Variants in KYAT1 observed in about 807,000 individuals in gnomAD.
The protein encoded by KYAT1 is kynurenine aminotransferase 1.
Under a neutral mutation model 52.4 loss-of-function variants are expected in KYAT1, and 47 were observed. That is an observed-to-expected ratio of 0.90 (90% CI 0.71 to 1.14). The LOEUF (loss-of-function observed/expected upper bound fraction) is 1.14. Ranked by LOEUF, KYAT1 falls within the 50% of genes most tolerant of loss-of-function variation. The pLI is 0.00. For missense variants in KYAT1, 480 were observed against 557.9 expected (o/e 0.86, Z 1.41); for synonymous variants, 212 against 209.6 (o/e 1.01, Z -0.10).
At position 128,867,995 on chromosome 9, in the gene KYAT1, G is replaced by A. The variant is rs566190859; in HGVS notation, c.-7+13902C>T. 9.9e-5 allele frequency among the ~76,000 whole-genome samples: 15 copies of A among 152,122 alleles called. No homozygotes were observed. The East Asian group carries it at 2.3e-3, about 24-fold the overall frequency. On this transcript the variant is annotated intron_variant, in intron 1 of 12. Transcript: ENST00000302586. ...TCACCATGTTAGCCAGGATGGTCTC[G>A]ATCTCCTGACCTCGTGAGCCACCCG...
chr9:128,876,837 C>T (rs1453988647), intron 1 of KYAT1, among the ~76,000 whole-genome samples: 3 of 151,764 alleles, frequency 2.0e-5, no homozygotes, highest in Admixed American at 6.6e-5. Context: ...AGTGATTCTC[C>T]TGCCTCAGCC....
intron 1 of KYAT1, among the ~76,000 whole-genome samples, chr9:128,851,270 G>A (rs1342583763): frequency 1.3e-5 from 2 of 152,148 alleles, no homozygotes; most frequent in Non-Finnish European, 2.9e-5. Context: ...TTTCTCCAGG[G>A]TGAAGTTATG....
At chr9:128,862,071 T>C (rs1835534208) in intron 1 of KYAT1, among the ~76,000 whole-genome samples, 1 of 152,198 alleles carries the variant, frequency 6.6e-6, no homozygotes, top group African/African-American at 2.4e-5. Context: ...TCTGACACTC[T>C]CCCCCACATC....
At chr9:128,869,559 C>T (rs1836933412) in intron 1 of KYAT1, among the ~76,000 whole-genome samples, 1 of 152,154 alleles carries the variant, frequency 6.6e-6, no homozygotes, top group South Asian at 2.1e-4. Context: ...AGTTTCACCT[C>T]GTTCCATCTA....
At chr9:128,856,645 G>T (rs902310127) in intron 1 of KYAT1, among the ~76,000 whole-genome samples, 8 of 152,220 alleles carry the variant, frequency 5.3e-5, no homozygotes, top group African/African-American at 1.9e-4. Flanking sequence ...AGGTTTAAGG[G>T]ATCTAGGGCT....
intron 3 of KYAT1, among the ~76,000 whole-genome samples, chr9:128,841,094 G>A (rs544385200): frequency 2.6e-5 from 4 of 152,196 alleles, no homozygotes; most frequent in Admixed American, 6.5e-5. Flanking sequence ...GAGTGCGGTC[G>A]GGTGCGGTGG....
chr9:128,868,768 C>T (rs923764101), intron 1 of KYAT1, among the ~76,000 whole-genome samples: 7 of 149,322 alleles, frequency 4.7e-5, no homozygotes, highest in South Asian at 2.1e-4. Context: ...TGCTGTGGCA[C>T]GATCTTGGCT....
chr9:128,873,747 C>T (rs1203006043), intron 1 of KYAT1, among the ~76,000 whole-genome samples: 12 of 150,634 alleles, frequency 8.0e-5, no homozygotes, highest in African/African-American at 1.2e-4. Context: ...CTCCACAGAG[C>T]GAGACTCCAT....
At chr9:128,874,870 A>G (rs1181079016) in intron 1 of KYAT1, among the ~76,000 whole-genome samples, 2 of 151,750 alleles carry the variant, frequency 1.3e-5, no homozygotes, top group African/African-American at 2.4e-5. Flanking sequence ...GATTACAGGC[A>G]CGCACCACCA....
intron 1 of KYAT1, among the ~76,000 whole-genome samples, chr9:128,880,308 G>A (rs776740225): frequency 2.6e-5 from 4 of 152,140 alleles, no homozygotes; most frequent in Non-Finnish European, 5.9e-5. Context: ...GATGCCTGTT[G>A]TGTGCCAGGC....
intron 1 of KYAT1, chr9:128,846,859 G>C (rs1325389877): frequency 6.5e-7 from 1 of 1,534,920 alleles, no homozygotes; most frequent in South Asian, 1.2e-5. Flanking sequence ...TCAGCCACCT[G>C]CTGTGGTCAA....
At chr9:128,871,180 C>T (rs1298731421) in intron 1 of KYAT1, among the ~76,000 whole-genome samples, 2 of 151,566 alleles carry the variant, frequency 1.3e-5, no homozygotes, top group African/African-American at 4.9e-5. Context: ...TAGCTGGCCA[C>T]GGTGGTACGT....
chr9:128,864,296 G>A (rs1835874398), intron 1 of KYAT1, among the ~76,000 whole-genome samples: 1 of 148,864 alleles, frequency 6.7e-6, no homozygotes, highest in African/African-American at 2.5e-5. Context: ...AACCCGGGAG[G>A]CGAAGATTGT....
chr9:128,844,622 G>T (rs1832780368), intron 2 of KYAT1, among the ~76,000 whole-genome samples: 2 of 152,052 alleles, frequency 1.3e-5, no homozygotes, highest in South Asian at 4.2e-4. Context: ...CCTGTGAGGG[G>T]GAGGTTGCAG....
intron 1 of KYAT1, among the ~76,000 whole-genome samples, chr9:128,854,827 G>A (rs1834401434): frequency 6.9e-6 from 1 of 145,226 alleles, no homozygotes; most frequent in Admixed American, 6.7e-5. Flanking sequence ...TGCCCAACCT[G>A]AAGAAGAAGG....
At chr9:128,837,993 C>A in intron 5 of KYAT1, 58 bp downstream of exon 5, 1 of 1,572,770 alleles carries the variant, frequency 6.4e-7, no homozygotes, top group Non-Finnish European at 8.8e-7. Flanking sequence ...TCCCAGGGTC[C>A]AACTCAGCCC....
intron 3 of KYAT1, chr9:128,842,115 C>T: frequency 2.7e-6 from 1 of 364,220 alleles, no homozygotes; most frequent in East Asian, 9.2e-5. Flanking sequence ...CCACTTGAGA[C>T]TGGCAGGGTC....
At chr9:128,877,039 C>T (rs979345038) in intron 1 of KYAT1, among the ~76,000 whole-genome samples, 3 of 152,044 alleles carry the variant, frequency 2.0e-5, no homozygotes, top group Non-Finnish European at 4.4e-5. Context: ...GCTGGGATTA[C>T]AGGCACCCAC....
chr9:128,868,342 T>G (rs1836707221), intron 1 of KYAT1, among the ~76,000 whole-genome samples: 1 of 152,058 alleles, frequency 6.6e-6, no homozygotes, highest in African/African-American at 2.4e-5. Flanking sequence ...AGTGCTGTGA[T>G]TACAGGCGTG....
Sources: allele counts gnomAD v4.1 joint callset (sites outside exome capture counted in the v4.1 genomes callset), GRCh38; gene constraint gnomAD v4.1.1; transcripts MANE v1.5; gene names NCBI Gene and HGNC (gene_info 2026-07-23, HGNC 2026-07-21).